The following PCDHGA1 variants were observed in gnomAD, a reference collection of about 807,000 sequenced individuals.
The protein encoded by PCDHGA1 is protocadherin gamma subfamily A, 1.
A neutral mutation model predicts 58.0 loss-of-function variants in PCDHGA1; 32 were observed. The observed-to-expected ratio is 0.55, with a 90% confidence interval of 0.42 to 0.74. PCDHGA1 has a LOEUF of 0.74. PCDHGA1 is among the 30% of genes least tolerant of loss of function. The pLI is 0.00. For missense variants in PCDHGA1, 1,205 were observed against 1,182.3 expected (o/e 1.02, Z -0.28); for synonymous variants, 498 against 501.1 (o/e 0.99, Z 0.08).
At chr5:141,403,774 C>A (rs1350465491) in intron 1 of PCDHGA1, 1 of 1,613,786 alleles carries the variant, frequency 6.2e-7, no homozygotes, top group Non-Finnish European at 8.5e-7. Context: ...AGGGAATCAA[C>A]GGAAAAGTGG....
In PCDHGA1 at chr5:141,375,737, G is replaced by C. The variant is rs373966789; in HGVS notation, c.2421+42632G>C. 19 of 1,614,262 alleles carry C rather than the reference G, an allele frequency of 1.2e-5. No homozygotes were observed. In the African/African-American group the frequency reaches 2.0e-4, roughly 17 times the overall value. Reference sequence around the variant, plus strand: ...CAGCAACGTGTCACTGAGCCTGTTTGTGCTGGACCAGAATGACAATGCGCC... The same window carrying C: ...CAGCAACGTGTCACTGAGCCTGTTTCTGCTGGACCAGAATGACAATGCGCC... On this transcript the variant is annotated intron_variant, in intron 1 of 3. Coordinates refer to ENST00000517417, the MANE Select transcript of PCDHGA1 (RefSeq NM_018912.3).
chr5:141,508,269 C>G (rs1459186158), intron 3 of PCDHGA1: 1 of 152,186 alleles, frequency 6.6e-6, no homozygotes, highest in Non-Finnish European at 1.5e-5. Flanking sequence ...GAGAAAATCC[C>G]GGTCCTTGAC....
chr5:141,366,185 GT>G (rs1375353655), intron 1 of PCDHGA1: 1 of 1,613,892 alleles, frequency 6.2e-7, no homozygotes, highest in East Asian at 2.2e-5. Context: ...ACTCTTTGCG[GT>G]TGGGCTGCAC....
rs780436102 is a variant in PCDHGA1, at chr5:141,431,846, G to A, written c.2422-62961G>A. 1 of 1,614,274 alleles carries A rather than the reference G, an allele frequency of 6.2e-7. No individual in the cohort carries two copies. Among genetic ancestry groups the A allele is most frequent in the South Asian group, 1.1e-5 (1 of 91,088 alleles). On this transcript the variant is annotated intron_variant, in intron 1 of 3. Coordinates refer to ENST00000517417, the MANE Select transcript of PCDHGA1 (RefSeq NM_018912.3). The surrounding 1 kb of genome is among the most constrained non-coding windows in gnomAD (Gnocchi z 4.8). ...CTCGGTTCCCGAAAACTCTCCCAGA[G>A]GGACATTAATTGCCCTTTTAAATGT...
At chr5:141,427,087 A>G (rs1338132084) in intron 1 of PCDHGA1, 1 of 458,198 alleles carries the variant, frequency 2.2e-6, no homozygotes, top group Non-Finnish European at 4.4e-6. Flanking sequence ...ACTGACCAGG[A>G]TGAGGGTGTC....
Position 141,487,298 on chromosome 5 carries a change from G to T in PCDHGA1, c.2422-7509G>T. 6.2e-7 allele frequency: 1 copy of T among 1,614,072 alleles called. No individual in the cohort carries two copies. Among genetic ancestry groups the T allele is most frequent in the Non-Finnish European group, 8.5e-7 (1 of 1,180,018 alleles). ...TTGCTTTGTCTCCTTTGGCTCATTC[G>T]TGGCACTACTCTCTAAGTGTCTTCG... On this transcript the variant is annotated intron_variant, in intron 1 of 3. Coordinates refer to ENST00000517417, the MANE Select transcript of PCDHGA1 (RefSeq NM_018912.3). This position sits in a 1 kb window ranked among gnomAD's most constrained non-coding sequence, Gnocchi z 5.0.
intron 1 of PCDHGA1, among the ~76,000 whole-genome samples, chr5:141,462,459 CTG>C (rs2099040203): frequency 6.6e-6 from 1 of 152,010 alleles, no homozygotes; most frequent in African/African-American, 2.4e-5. Flanking sequence ...TAACTGAAAA[CTG>C]TGTATTCTGC....
chr5:141,383,849 T>C (rs757932608), intron 1 of PCDHGA1: 9 of 1,613,952 alleles, frequency 5.6e-6, no homozygotes, highest in South Asian at 4.4e-5. Flanking sequence ...TTCTATGAAA[T>C]GGAGGTTCAG....
At chr5:141,438,063 A>G (rs540817874) in intron 1 of PCDHGA1, among the ~76,000 whole-genome samples, 11 of 152,224 alleles carry the variant, frequency 7.2e-5, no homozygotes, top group Non-Finnish European at 1.5e-4. Context: ...CTTTTAAGAA[A>G]CCATACTTAA....
intron 1 of PCDHGA1, among the ~76,000 whole-genome samples, chr5:141,420,793 T>C (rs1400287885): frequency 6.6e-6 from 1 of 152,268 alleles, no homozygotes; most frequent in Non-Finnish European, 1.5e-5. Flanking sequence ...TGAAAACTTT[T>C]TAAAAATTAA....
chr5:141,441,671 C>T (rs1027440120), intron 1 of PCDHGA1: 1 of 287,648 alleles, frequency 3.5e-6, no homozygotes, highest in African/African-American at 2.3e-5. Flanking sequence ...GCGCACAGTG[C>T]GCCTTCGACC....
chr5:141,430,309 A>G (rs984998714), intron 1 of PCDHGA1, among the ~76,000 whole-genome samples: 2 of 152,116 alleles, frequency 1.3e-5, no homozygotes, highest in Non-Finnish European at 2.9e-5. Context: ...CACTAACATT[A>G]TAAGATTAAA....
At chr5:141,370,093 C>T (rs1766669679) in intron 1 of PCDHGA1, among the ~76,000 whole-genome samples, 1 of 152,218 alleles carries the variant, frequency 6.6e-6, no homozygotes, top group South Asian at 2.1e-4. Flanking sequence ...TATCAGTACA[C>T]TGCCGATTTT....
intron 1 of PCDHGA1, chr5:141,422,386 A>G: frequency 1.3e-6 from 2 of 1,587,922 alleles, no homozygotes; most frequent in Non-Finnish European, 1.7e-6. Flanking sequence ...CTCCTGTTTT[A>G]TTCCTAACCA....
chr5:141,394,104 C>T (rs761567726), intron 1 of PCDHGA1: 1 of 1,613,824 alleles, frequency 6.2e-7, no homozygotes, highest in African/African-American at 1.3e-5. Flanking sequence ...AGGAACACCA[C>T]CTCTGTCCAC....
intron 1 of PCDHGA1, chr5:141,346,357 A>G (rs1362620626): frequency 2.5e-6 from 4 of 1,614,080 alleles, no homozygotes; most frequent in Middle Eastern, 3.3e-4. Context: ...CAGCCCAACT[A>G]TGCGGACACG....
chr5:141,445,975 G>A (rs1279186740), intron 1 of PCDHGA1, among the ~76,000 whole-genome samples: 1 of 152,124 alleles, frequency 6.6e-6, no homozygotes, highest in Non-Finnish European at 1.5e-5. Flanking sequence ...TGATTTATGA[G>A]GGTTATAAAT....
chr5:141,433,374 T>A (rs948922353), intron 1 of PCDHGA1, among the ~76,000 whole-genome samples: 36 of 150,958 alleles, frequency 2.4e-4, no homozygotes, highest in African/African-American at 8.6e-4. Flanking sequence ...TATCTATCTA[T>A]CTATCTATCT....
intron 1 of PCDHGA1, chr5:141,399,501 C>T (rs941107702): frequency 5.6e-6 from 9 of 1,614,032 alleles, no homozygotes; most frequent in Non-Finnish European, 7.6e-6. Flanking sequence ...TCAGTGTACC[C>T]GAAAACAACC....
Sources: gnomAD v4.1 joint callset for allele counts (sites outside exome capture counted in the v4.1 genomes callset) on GRCh38, gnomAD v4.1.1 for gene constraint, Gnocchi (gnomAD v3.1) non-coding constraint, MANE v1.5 for transcripts, NCBI Gene and HGNC (gene_info 2026-07-23, HGNC 2026-07-21) for gene names.